METTL15: variants seen among roughly 807,000 people sequenced by gnomAD.
METTL15 encodes the protein 12S rRNA N(4)-cytidine methyltransferase METTL15.
Under a neutral mutation model 38.3 loss-of-function variants are expected in METTL15, and 34 were observed. That is an observed-to-expected ratio of 0.89 (90% CI 0.68 to 1.18). The LOEUF is 1.18. Among genes scored for constraint, METTL15 ranks in the 50% most tolerant of loss-of-function variants. The pLI is 0.00. For missense variants in METTL15, 438 were observed against 498.4 expected (o/e 0.88, Z 1.15); for synonymous variants, 162 against 170.9 (o/e 0.95, Z 0.41).
intron 4 of METTL15, among the ~76,000 whole-genome samples, chr11:28,254,570 T>C (rs1854893331): frequency 1.3e-5 from 2 of 152,180 alleles, no homozygotes; most frequent in Non-Finnish European, 2.9e-5. Context: ...GTTCAGTGTC[T>C]TGGAGAGTCA....
intron 3 of METTL15, among the ~76,000 whole-genome samples, chr11:28,119,698 C>T (rs1267346655): frequency 6.6e-6 from 1 of 151,960 alleles, no homozygotes; most frequent in African/African-American, 2.4e-5. Flanking sequence ...TGATAATTTT[C>T]TTTATTAAAT....
intron 6 of METTL15, among the ~76,000 whole-genome samples, chr11:28,456,768 C>T (rs1468115154): frequency 6.6e-6 from 1 of 152,120 alleles, no homozygotes; most frequent in African/African-American, 2.4e-5. Context: ...GAAGCTCAAG[C>T]CACATACAAA....
chr11:28,327,535 A>T (rs1477685553), intron 6 of METTL15: 1 of 152,650 alleles, frequency 6.6e-6, no homozygotes, highest in East Asian at 1.9e-4. Flanking sequence ...ATAATATAAA[A>T]TACTAATAAA....
chr11:28,467,798 G>A (rs1851269292), intron 6 of METTL15, among the ~76,000 whole-genome samples: 1 of 152,102 alleles, frequency 6.6e-6, no homozygotes, highest in Non-Finnish European at 1.5e-5. Context: ...TTTTTTGGAT[G>A]CAATATGCAC....
intron 6 of METTL15, among the ~76,000 whole-genome samples, chr11:28,520,169 G>A (rs1195103067): frequency 6.6e-6 from 1 of 151,984 alleles, no homozygotes; most frequent in African/African-American, 2.4e-5. Flanking sequence ...GTGAGACCTT[G>A]TCTCCACAAA....
intron 3 of METTL15, among the ~76,000 whole-genome samples, chr11:28,209,039 TC>T (rs1412952795): frequency 6.6e-6 from 1 of 151,944 alleles, no homozygotes; most frequent in Admixed American, 6.6e-5. Flanking sequence ...AGATTTTTTT[TC>T]CCCTGTGGAA....
At chr11:28,370,215 A>G (rs958473334) in intron 5 of METTL15, among the ~76,000 whole-genome samples, 1 of 151,814 alleles carries the variant, frequency 6.6e-6, no homozygotes, top group African/African-American at 2.4e-5. Context: ...TCATCCCCCC[A>G]TCTCCCCTAC....
At chr11:28,259,156 G>A (rs775109842) in intron 4 of METTL15, among the ~76,000 whole-genome samples, 29 of 152,064 alleles carry the variant, frequency 1.9e-4, no homozygotes, top group South Asian at 4.1e-4. Context: ...GGCTTACACC[G>A]TGTCTAGAAA....
At chr11:28,234,898 G>A (rs1203534620) in intron 4 of METTL15, among the ~76,000 whole-genome samples, 2 of 148,410 alleles carry the variant, frequency 1.3e-5, no homozygotes, top group African/African-American at 5.0e-5. Context: ...TGTCCTGAAT[G>A]GTAATGCCTA....
At chr11:28,389,848 A>G (rs533854244) in intron 5 of METTL15, among the ~76,000 whole-genome samples, 2 of 151,714 alleles carry the variant, frequency 1.3e-5, no homozygotes, top group African/African-American at 2.4e-5. Flanking sequence ...AGTCCCACCA[A>G]CAGTGTAAAA....
chr11:28,308,892 G>GTAGGTAGATAGATAGATAGATAGA (rs72449461), intron 6 of METTL15, among the ~76,000 whole-genome samples: 1 of 146,896 alleles, frequency 6.8e-6, no homozygotes, highest in African/African-American at 2.5e-5. Context: ...AGGTAGGTAG[G>GTAGGTAGATAGATAGATAGATAGA]TAGATAGATA....
At chr11:28,375,940 G>A (rs1215342237) in intron 5 of METTL15, among the ~76,000 whole-genome samples, 2 of 152,030 alleles carry the variant, frequency 1.3e-5, no homozygotes, top group African/African-American at 4.8e-5. Flanking sequence ...TAGTCATTCA[G>A]GAGCAGGTTG....
intron 6 of METTL15, among the ~76,000 whole-genome samples, chr11:28,485,841 C>T (rs867951293): frequency 1.3e-5 from 2 of 152,114 alleles, no homozygotes; most frequent in South Asian, 2.1e-4. Context: ...CCAGAGAGGG[C>T]TCTTTCTGGC....
chr11:28,525,480 C>A (rs1268935551), intron 6 of METTL15, among the ~76,000 whole-genome samples: 1 of 152,070 alleles, frequency 6.6e-6, no homozygotes, highest in African/African-American at 2.4e-5. Context: ...GAGCTAGAAA[C>A]AGAGTGCCGA....
rs1849855167 is a variant in METTL15, at chr11:28,332,879, A to C, written c.*2038A>C. 6.8e-6 allele frequency: 1 copy of C among 147,124 alleles called. No individual in the cohort carries two copies. The highest frequency in any genetic ancestry group is 2.2e-4 in the South Asian group (1 of 4,510). The allele number at this position is 147,124 out of a possible 1,614,324, so 9.1% of individuals were successfully genotyped here. ...AGAATCACTCGAACCTGGGAGGTGG[A>C]GGTTGCGAGATCACACCACTGCACT... On this transcript the variant is annotated 3_prime_UTR_variant, in exon 7 of 7. Transcript: ENST00000407364.
intron 5 of METTL15, among the ~76,000 whole-genome samples, chr11:28,394,744 A>G (rs921810082): frequency 1.3e-5 from 2 of 152,068 alleles, no homozygotes; most frequent in East Asian, 3.9e-4. Flanking sequence ...AGTGGCTTCT[A>G]TGACTTTTCC....
At chr11:28,447,802 G>A (rs1851087456) in intron 6 of METTL15, among the ~76,000 whole-genome samples, 1 of 152,100 alleles carries the variant, frequency 6.6e-6, no homozygotes, top group Non-Finnish European at 1.5e-5. Flanking sequence ...CCTTGCTTTA[G>A]GGGTTAGGAT....
chr11:28,189,216 T>C (rs1337785547), intron 3 of METTL15, among the ~76,000 whole-genome samples: 1 of 151,374 alleles, frequency 6.6e-6, no homozygotes, highest in Admixed American at 6.6e-5. Flanking sequence ...TTCTTTAACA[T>C]ACTGTTTTGA....
At chr11:28,397,692 G>A (rs1448856597) in intron 5 of METTL15, among the ~76,000 whole-genome samples, 2 of 151,942 alleles carry the variant, frequency 1.3e-5, no homozygotes, top group African/African-American at 2.4e-5. Context: ...GATTCCTCAG[G>A]GATCTAGAAC....
Sources: gnomAD v4.1 joint callset for allele counts (sites outside exome capture counted in the v4.1 genomes callset) on GRCh38, gnomAD v4.1.1 for gene constraint, MANE v1.5 for transcripts, NCBI Gene and HGNC (gene_info 2026-07-23, HGNC 2026-07-21) for gene names.